BICD1: variants seen among roughly 807,000 people sequenced by gnomAD.
The protein encoded by BICD1 is BICD cargo adaptor 1, also known as protein bicaudal D homolog 1.
A neutral mutation model predicts 92.5 loss-of-function variants in BICD1; 35 were observed. The ratio of observed to expected loss-of-function variants is 0.38; its 90% confidence interval spans 0.29 to 0.50. The LOEUF (loss-of-function observed/expected upper bound fraction) is 0.50. BICD1 is among the 20% of genes least tolerant of loss of function. The pLI is 0.93. For synonymous variants in BICD1, 429 were observed against 465.1 expected (o/e 0.92, Z 1.00); for missense variants, 950 against 1,189.8 (o/e 0.80, Z 2.97).
rs759328721 is a variant in BICD1, at chr12:32,182,278, C to CTTTTTTTTTTTTTTTTTT, written c.214-33964_214-33947dup. Reference sequence around the variant, plus strand: ...TTCTTTTTTCTTTCTTTCTTTCTTTCTTTTTTTTTTTTTTTTTTTTTTGAG... The same window carrying CTTTTTTTTTTTTTTTTTT: ...TTCTTTTTTCTTTCTTTCTTTCTTTCTTTTTTTTTTTTTTTTTTTTTTTTTTTTTTTTTTTTTTTTGAG... On this transcript the variant is annotated intron_variant, in intron 1 of 9. Transcript: ENST00000652176. Among the ~76,000 whole-genome samples the CTTTTTTTTTTTTTTTTTT allele has an allele frequency of 1.9e-3, 153 of 81,406 alleles. 9 individuals are homozygous for CTTTTTTTTTTTTTTTTTT. Among genetic ancestry groups the CTTTTTTTTTTTTTTTTTT allele is most frequent in the Non-Finnish European group, 2.7e-3 (113 of 42,412 alleles). The allele number at this position is 81,406 out of a possible 152,430, so 53.4% of individuals were successfully genotyped here.
intron 1 of BICD1, among the ~76,000 whole-genome samples, chr12:32,157,452 T>C (rs1002302508): frequency 2.0e-5 from 3 of 152,142 alleles, no homozygotes; most frequent in South Asian, 2.1e-4. Flanking sequence ...TATTAACAAA[T>C]TTTCAGACAC....
At chr12:32,233,771 C>T (rs1945974560) in intron 2 of BICD1, among the ~76,000 whole-genome samples, 1 of 152,214 alleles carries the variant, frequency 6.6e-6, no homozygotes, top group Admixed American at 6.5e-5. Flanking sequence ...GCATAGTCAG[C>T]ATTCCATCTG....
intron 2 of BICD1, among the ~76,000 whole-genome samples, chr12:32,293,178 T>C (rs1160079302): frequency 6.6e-6 from 1 of 152,214 alleles, no homozygotes; most frequent in African/African-American, 2.4e-5. Context: ...GAAGTGTGCA[T>C]GTATCTGTGT....
chr12:32,119,381 T>C (rs1005667619), intron 1 of BICD1, among the ~76,000 whole-genome samples: 25 of 152,194 alleles, frequency 1.6e-4, no homozygotes, highest in African/African-American at 5.8e-4. Context: ...GACTGTATGT[T>C]AGAATCACCT....
At chr12:32,319,684 TCTC>T (rs1948597306) in intron 4 of BICD1, among the ~76,000 whole-genome samples, 1 of 151,980 alleles carries the variant, frequency 6.6e-6, no homozygotes, top group Admixed American at 6.6e-5. Context: ...TTCAAGCAAT[TCTC>T]CTGCCTCAGC....
chr12:32,300,631 ATTTT>A (rs34219566), intron 3 of BICD1, among the ~76,000 whole-genome samples: 378 of 80,456 alleles, frequency 4.7e-3, no homozygotes, highest in African/African-American at 0.014. Flanking sequence ...ACTTTACAGT[ATTTT>A]TTTTTTTTTT....
In BICD1 at chr12:32,333,090, A is replaced by G. The variant is rs962988981; in HGVS notation, c.2101-1426A>G. 3.0e-6 allele frequency: 3 copies of G among 984,420 alleles called. No homozygotes were observed. In the African/African-American group the frequency reaches 5.2e-5, roughly 17 times the overall value. The allele number at this position is 984,420 out of a possible 1,614,324, so 61.0% of individuals were successfully genotyped here. On this transcript the variant is annotated intron_variant, in intron 5 of 9. Coordinates refer to ENST00000652176, the MANE Select transcript of BICD1 (RefSeq NM_001714.4). ...AGATCTAGCTCTTCTGTTATCCCCCATTTTATTCCCCTTAGATACTGACCA... is the reference window on the plus strand; with the variant it reads ...AGATCTAGCTCTTCTGTTATCCCCCGTTTTATTCCCCTTAGATACTGACCA...
At chr12:32,350,628 C>T (rs1036760361) in intron 8 of BICD1, among the ~76,000 whole-genome samples, 5 of 152,178 alleles carry the variant, frequency 3.3e-5, no homozygotes, top group South Asian at 2.1e-4. Context: ...AGGGAAGCAT[C>T]GCTGCCACCC....
At chr12:32,372,912 A>G (rs993099745) in intron 9 of BICD1, among the ~76,000 whole-genome samples, 2 of 152,176 alleles carry the variant, frequency 1.3e-5, no homozygotes, top group Non-Finnish European at 2.9e-5. Flanking sequence ...TTCCATGTAT[A>G]CTTTTTACAG....
At chr12:32,341,769 C>T (rs1311629482) in intron 8 of BICD1, among the ~76,000 whole-genome samples, 1 of 152,130 alleles carries the variant, frequency 6.6e-6, no homozygotes, top group African/African-American at 2.4e-5. Context: ...ACCATCCACA[C>T]CAAATAAATT....
Position 32,250,323 on chromosome 12 carries a change from G to C in BICD1, c.426+33864G>C, listed in dbSNP as rs115280910. ...GGAGATGACGATAATACCTACCTCAGTGGGGTTATTGTGAGGATAAAATGC... is the reference window on the plus strand; with the variant it reads ...GGAGATGACGATAATACCTACCTCACTGGGGTTATTGTGAGGATAAAATGC... On this transcript the variant is annotated intron_variant, in intron 2 of 9. Transcript: ENST00000652176. 4.5e-3 allele frequency among the ~76,000 whole-genome samples: 686 copies of C among 152,300 alleles called. 4 individuals carry two copies. The highest frequency in any genetic ancestry group is 0.016 in the African/African-American group (658 of 41,566).
At chr12:32,228,179 AC>A (rs1303501191) in intron 2 of BICD1, 2 of 157,514 alleles carry the variant, frequency 1.3e-5, no homozygotes, top group Non-Finnish European at 2.9e-5. Flanking sequence ...GGGTCCTAAG[AC>A]TCTCGATGCA....
chr12:32,179,240 C>T (rs1944204654), intron 1 of BICD1, among the ~76,000 whole-genome samples: 1 of 151,816 alleles, frequency 6.6e-6, no homozygotes, highest in Non-Finnish European at 1.5e-5. Context: ...AACAGCAGGC[C>T]CCGCCGCAAG....
intron 2 of BICD1, among the ~76,000 whole-genome samples, chr12:32,275,047 C>T (rs1947240193): frequency 6.6e-6 from 1 of 150,376 alleles, no homozygotes; most frequent in Non-Finnish European, 1.5e-5. Flanking sequence ...AATTGAAGAT[C>T]GCCATATGAG....
intron 1 of BICD1, among the ~76,000 whole-genome samples, chr12:32,215,455 T>C (rs1056742565): frequency 3.3e-5 from 5 of 152,188 alleles, no homozygotes; most frequent in Non-Finnish European, 7.4e-5. Flanking sequence ...CTGGGCAATT[T>C]AAATGCTGTT....
chr12:32,339,139 A>G, intron 8 of BICD1, 160 bp downstream of exon 8: 2 of 1,341,642 alleles, frequency 1.5e-6, no homozygotes, highest in Non-Finnish European at 1.9e-6. Flanking sequence ...TTAGCTTCCC[A>G]TTTCCTCCTT....
intron 3 of BICD1, among the ~76,000 whole-genome samples, chr12:32,297,174 A>G (rs933683683): frequency 8.5e-5 from 13 of 152,142 alleles, no homozygotes; most frequent in Admixed American, 6.5e-5. Context: ...GCTAGCATCT[A>G]TCATAAACTC....
At chr12:32,244,128 T>C (rs1946310367) in intron 2 of BICD1, among the ~76,000 whole-genome samples, 2 of 149,640 alleles carry the variant, frequency 1.3e-5, no homozygotes, top group Admixed American at 6.6e-5. Flanking sequence ...TTTTCTGAAA[T>C]GAAATATGGA....
chr12:32,215,972 A>AAAAG (rs1945347224), intron 1 of BICD1, among the ~76,000 whole-genome samples: 1 of 151,414 alleles, frequency 6.6e-6, no homozygotes, highest in Non-Finnish European at 1.5e-5. Context: ...AAAAAAAAAA[A>AAAAG]AAAGGAGAAC....
Sources: allele counts gnomAD v4.1 joint callset (sites outside exome capture counted in the v4.1 genomes callset), GRCh38; gene constraint gnomAD v4.1.1; transcripts MANE v1.5; gene names NCBI Gene and HGNC (gene_info 2026-07-23, HGNC 2026-07-21).